LARP4: variants seen among roughly 807,000 people sequenced by gnomAD.
LARP4 encodes La ribonucleoprotein 4.
Under a neutral mutation model 92.9 loss-of-function variants are expected in LARP4, and 29 were observed. The observed-to-expected ratio is 0.31, with a 90% CI of 0.23 to 0.43. The LOEUF is 0.43. Ranked by LOEUF, LARP4 falls within the 20% of genes least tolerant of loss-of-function variation. LARP4 has a pLI of 1.00. For missense variants in LARP4, 732 were observed against 860.0 expected (o/e 0.85, Z 1.86); for synonymous variants, 279 against 284.1 (o/e 0.98, Z 0.18).
chr12:50,468,808 T>G (rs2138992892), intron 13 of LARP4, among the ~76,000 whole-genome samples: 1 of 152,308 alleles, frequency 6.6e-6, no homozygotes, highest in South Asian at 2.1e-4. Context: ...AAGATGTTGC[T>G]AGTTATGCTA....
At chr12:50,473,021 C>T (rs915145163) in intron 13 of LARP4, among the ~76,000 whole-genome samples, 6 of 151,410 alleles carry the variant, frequency 4.0e-5, no homozygotes, top group African/African-American at 1.5e-4. Flanking sequence ...TGGGATTTCA[C>T]CATGTTGGCC....
chr12:50,406,333 T>A (rs911186692), intron 1 of LARP4, among the ~76,000 whole-genome samples: 6 of 142,066 alleles, frequency 4.2e-5, no homozygotes, highest in African/African-American at 1.6e-4. Flanking sequence ...CAAACAAATT[T>A]AAAAAATTAG....
intron 12 of LARP4, among the ~76,000 whole-genome samples, chr12:50,465,016 G>A (rs1201857075): frequency 6.6e-6 from 1 of 151,754 alleles, no homozygotes; most frequent in Non-Finnish European, 1.5e-5. Flanking sequence ...GCATTCCATA[G>A]TAGCAGTCCA....
At chr12:50,435,730 C>G (rs1210206643) in intron 5 of LARP4, 106 bp downstream of exon 5, 8 of 762,664 alleles carry the variant, frequency 1.0e-5, no homozygotes, top group Non-Finnish European at 1.6e-5. Flanking sequence ...TCCCCACACC[C>G]TTATTTTGTT....
At chr12:50,441,697 G>A (rs950471456) in intron 8 of LARP4, 54 bp downstream of exon 8, 3 of 1,290,990 alleles carry the variant, frequency 2.3e-6, no homozygotes, top group Non-Finnish European at 3.3e-6. Flanking sequence ...CTCTGTATGA[G>A]AATTTAAAAA....
chr12:50,479,903 G>A lies in LARP4; in HGVS notation c.*4039G>A, dbSNP rs925245238. ...TGTGACACATGCTCATGCATAAAAT[G>A]TTAAAATGAGTACATCCTTGTATTT... On this transcript the variant is annotated 3_prime_UTR_variant, in exon 16 of 16. Transcript: ENST00000398473. 2.0e-5 allele frequency: 3 copies of A among 152,486 alleles called. No homozygotes were observed. The highest frequency in any genetic ancestry group is 4.8e-5 in the African/African-American group (2 of 41,396). The allele number at this position is 152,486 out of a possible 1,614,324, so 9.4% of individuals were successfully genotyped here. A position where few individuals can be genotyped will look rare whatever the true frequency, so the allele number is the denominator to read the frequency against.
intron 1 of LARP4, among the ~76,000 whole-genome samples, chr12:50,410,706 G>A (rs1329263513): frequency 6.6e-6 from 1 of 152,032 alleles, no homozygotes; most frequent in Admixed American, 6.6e-5. Context: ...ACCCGGCCTA[G>A]AATTCTTTAT....
At chr12:50,440,227 G>A (rs962752446) in intron 6 of LARP4, among the ~76,000 whole-genome samples, 3 of 152,108 alleles carry the variant, frequency 2.0e-5, no homozygotes, top group East Asian at 1.9e-4. Flanking sequence ...GCTTGCATCC[G>A]GGAGTTTGAG....
chr12:50,426,936 C>T (rs1292117021), intron 1 of LARP4, among the ~76,000 whole-genome samples: 1 of 151,892 alleles, frequency 6.6e-6, no homozygotes, highest in Non-Finnish European at 1.5e-5. Flanking sequence ...CAGCGTTTCT[C>T]TGTGTTGCCC....
Position 50,440,445 on chromosome 12 carries a change from A to G in LARP4, c.646A>G (p.Lys216Glu), listed in dbSNP as rs1183558422. 6.2e-7 allele frequency: 1 copy of G among 1,611,544 alleles called. No individual in the cohort carries two copies. Among genetic ancestry groups the G allele is most frequent in the East Asian group, 2.2e-5 (1 of 44,834 alleles). ...ATTTTCTTTTTCTTTTTAGGAAGTGAAAGGTTTGTTCAAAAGTGAAAACTG... is the reference window on the plus strand; with the variant it reads ...ATTTTCTTTTTCTTTTTAGGAAGTGGAAGGTTTGTTCAAAAGTGAAAACTG... ...IPETTPIEEV[K>E]GLFKSENCPK... The change falls in exon 7 of 16, where the codon AAA (lysine) becomes GAA (glutamate). Residue 216 changes from lysine (K) to glutamate (E), a missense_variant. Lys to Glu is a moderately conservative substitution (Grantham distance 56). Around this residue, in one of 7 missense-constraint regions of LARP4, gnomAD observed 236 missense variants for 307.6 expected, o/e 0.77. Transcript: ENST00000398473.
chr12:50,474,115 C>T lies in LARP4; in HGVS notation c.1784C>T (p.Thr595Ile). ...ACTACAAAGCCATCGAGGGCAAGTA[C>T]TGCTTCACCATGTAATAATAACATA... ...PSTTKPSRAS[T>I]ASPCNNNINA... The change falls in exon 15 of 16, where the codon ACT becomes ATT. Residue 595 changes from threonine (T) to isoleucine (I), a missense_variant. Coordinates refer to ENST00000398473, the MANE Select transcript of LARP4 (RefSeq NM_052879.5). 6.2e-7 allele frequency: 1 copy of T among 1,613,526 alleles called. No individual in the cohort carries two copies.
At chr12:50,445,653 A>G in intron 8 of LARP4, among the ~76,000 whole-genome samples, 1 of 151,780 alleles carries the variant, frequency 6.6e-6, no homozygotes, top group East Asian at 1.9e-4. Flanking sequence ...AGATTGGATC[A>G]TTTCTGTGGA....
chr12:50,475,940 A>C lies in LARP4; in HGVS notation c.*76A>C. 1 of 1,256,314 alleles carries C rather than the reference A, an allele frequency of 8.0e-7. No homozygotes were observed. Among genetic ancestry groups the C allele is most frequent in the Non-Finnish European group, 1.1e-6 (1 of 895,960 alleles). The allele number at this position is 1,256,314 out of a possible 1,614,324, so 77.8% of individuals were successfully genotyped here. A position where few individuals can be genotyped will look rare whatever the true frequency, so the allele number is the denominator to read the frequency against. ...CTGTGGCTATATTGAACTGTTTTGGAGGGGAGGGGGTAGCCAGGAAGGAAA... is the reference window on the plus strand; with the variant it reads ...CTGTGGCTATATTGAACTGTTTTGGCGGGGAGGGGGTAGCCAGGAAGGAAA... On this transcript the variant is annotated 3_prime_UTR_variant, in exon 16 of 16. Coordinates refer to ENST00000398473, the MANE Select transcript of LARP4 (RefSeq NM_052879.5).
rs1592797395 is a variant in LARP4, at chr12:50,413,785, G to C, written c.18+12757G>C. On this transcript the variant is annotated intron_variant, in intron 1 of 15. Coordinates refer to ENST00000398473, the MANE Select transcript of LARP4 (RefSeq NM_052879.5). ...CAGTTTCTCCTTGTAGTATCACCTT[G>C]CGTAACTATAGTATGGTATAATGAG... Among the ~76,000 whole-genome samples, 6 of 152,250 alleles carry C rather than the reference G, an allele frequency of 3.9e-5. No homozygotes were observed. In the South Asian group the frequency reaches 1.2e-3, roughly 32 times the overall value.
intron 8 of LARP4, among the ~76,000 whole-genome samples, chr12:50,442,171 G>A (rs943504248): frequency 6.6e-6 from 1 of 152,184 alleles, no homozygotes; most frequent in African/African-American, 2.4e-5. Context: ...CAAATAGCAT[G>A]AGGTTTAATT....
intron 14 of LARP4, among the ~76,000 whole-genome samples, 168 bp from the exon 15 acceptor site, chr12:50,473,831 G>A (rs1957230528): frequency 3.5e-5 from 3 of 86,286 alleles, no homozygotes; most frequent in Non-Finnish European, 7.4e-5. Flanking sequence ...GGTGGGGGGT[G>A]CGGGGCGGGC....
intron 1 of LARP4, among the ~76,000 whole-genome samples, chr12:50,417,038 T>G (rs575751961): frequency 1.3e-5 from 2 of 152,264 alleles, no homozygotes; most frequent in South Asian, 4.1e-4. Context: ...TTAAAAACTT[T>G]GATGAGATAC....
Position 50,400,918 on chromosome 12 carries a change from G to A in LARP4, c.-93G>A. ...CCACTGCCGGGTGGAGGGGCAAGGC[G>A]AGTGTGTGTCCTTATCCTAGCAATT... On this transcript the variant is annotated 5_prime_UTR_variant, in exon 1 of 16. Coordinates refer to ENST00000398473, the MANE Select transcript of LARP4 (RefSeq NM_052879.5). 1 of 1,561,650 alleles carries A rather than the reference G, an allele frequency of 6.4e-7. No homozygotes were observed. The highest frequency in any genetic ancestry group is 8.8e-7 in the Non-Finnish European group (1 of 1,132,200).
At chr12:50,424,525 A>G (rs368913115) in intron 1 of LARP4, among the ~76,000 whole-genome samples, 82 of 151,828 alleles carry the variant, frequency 5.4e-4, no homozygotes, top group African/African-American at 1.9e-3. Context: ...CGCCCAGCTG[A>G]TTTTGTATTT....
Sources: gnomAD v4.1 joint callset for allele counts (sites outside exome capture counted in the v4.1 genomes callset) on GRCh38, gnomAD v4.1.1 for gene constraint, gnomAD v4.1.1 regional missense constraint, MANE v1.5 for transcripts, NCBI Gene and HGNC (gene_info 2026-07-23, HGNC 2026-07-21) for gene names.